The following PHF24 variants were observed in gnomAD, a reference collection of about 807,000 sequenced individuals.
PHF24 encodes Galpha inhibitory interacting protein.
In PHF24, 25 loss-of-function variants were observed where a neutral mutation model predicts 42.6. That is an observed-to-expected ratio of 0.59 (90% CI 0.43 to 0.82). The LOEUF is 0.82. Among genes scored for constraint, PHF24 ranks in the 40% least tolerant of loss-of-function variants. The pLI is 0.00. For synonymous variants in PHF24, 185 were observed against 204.8 expected (o/e 0.90, Z 0.83); for missense variants, 470 against 538.1 (o/e 0.87, Z 1.25).
At chr9:34,977,089 C>T (rs753209872) in exon 6 of PHF24, 2 of 1,596,908 alleles carry the variant, frequency 1.3e-6, no homozygotes, top group Non-Finnish European at 1.7e-6. Context: ...CCAGAACTCT[C>T]TGTTGAGGCT....
the PHF24 span, chr9:34,723,724 C>T: frequency 3.2e-5 from 49 of 1,551,702 alleles, no homozygotes; most frequent in Non-Finnish European, 4.0e-5. Flanking sequence ...TTGGTTGGCT[C>T]AGGAAAGGCT....
At chr9:34,834,721 T>C in the PHF24 span, 2 of 1,542,232 alleles carry the variant, frequency 1.3e-6, no homozygotes, top group South Asian at 2.4e-5. Context: ...GTTGCCTCTG[T>C]AGCAGGTGCC....
At chr9:34,921,489 C>T in the PHF24 span, among the ~76,000 whole-genome samples, 1 of 152,138 alleles carries the variant, frequency 6.6e-6, no homozygotes, top group East Asian at 1.9e-4. Flanking sequence ...TTTACTTTTA[C>T]ATTTGTTCTT....
At chr9:34,913,198 A>T in the PHF24 span, among the ~76,000 whole-genome samples, 4 of 152,200 alleles carry the variant, frequency 2.6e-5, no homozygotes, top group Non-Finnish European at 5.9e-5. Flanking sequence ...GACTTTGGGG[A>T]CAATATCAAA....
chr9:34,750,491 AAAATAAAT>A, the PHF24 span, among the ~76,000 whole-genome samples: 38,857 of 141,944 alleles, frequency 0.27, 5,704 homozygotes, highest in African/African-American at 0.3. Context: ...CTCTATCTCA[AAAATAAAT>A]AAATAAATAA....
At chr9:34,859,189 A>G in the PHF24 span, among the ~76,000 whole-genome samples, 1 of 152,062 alleles carries the variant, frequency 6.6e-6, no homozygotes, top group African/African-American at 2.4e-5. Context: ...TTTTCTCATA[A>G]TCTCTTGCCC....
chr9:34,848,413 G>A, the PHF24 span, among the ~76,000 whole-genome samples: 1 of 151,636 alleles, frequency 6.6e-6, no homozygotes, highest in Non-Finnish European at 1.5e-5. Flanking sequence ...GTTCTCTGAT[G>A]GTAGTTTGTA....
the PHF24 span, among the ~76,000 whole-genome samples, chr9:34,677,088 C>T: frequency 2.6e-5 from 4 of 152,220 alleles, no homozygotes; most frequent in African/African-American, 9.6e-5. Flanking sequence ...CCTAGCTTGT[C>T]TTCGTCTTCT....
chr9:34,976,872 T>C, intron 5 of PHF24, 132 bp downstream of exon 5: 1 of 913,670 alleles, frequency 1.1e-6, no homozygotes, highest in South Asian at 1.7e-5. Flanking sequence ...TCAGGTTCCA[T>C]CCAGTGACAG....
At chr9:34,775,168 A>G in the PHF24 span, among the ~76,000 whole-genome samples, 3 of 152,232 alleles carry the variant, frequency 2.0e-5, no homozygotes, top group African/African-American at 7.2e-5. Context: ...TCTTCAGCAG[A>G]TGAAGAGATA....
chr9:34,675,506 C>G, the PHF24 span, among the ~76,000 whole-genome samples: 566 of 152,310 alleles, frequency 3.7e-3, 2 homozygotes, highest in Admixed American at 6.8e-3. Context: ...GGGTCTCAGT[C>G]CAGCTGGAGG....
the PHF24 span, chr9:34,691,193 G>A: frequency 6.4e-7 from 1 of 1,552,752 alleles, no homozygotes; most frequent in East Asian, 2.3e-5. Context: ...AGCTGTCTGG[G>A]TGTGTGCAGG....
the PHF24 span, chr9:34,666,108 G>A: frequency 1.4e-5 from 3 of 208,006 alleles, no homozygotes; most frequent in Non-Finnish European, 3.0e-5. Context: ...CCCCCGGAAG[G>A]GGTGGGGTGT....
the PHF24 span, among the ~76,000 whole-genome samples, chr9:34,898,419 G>A: frequency 2.0e-5 from 3 of 152,058 alleles, no homozygotes; most frequent in Non-Finnish European, 4.4e-5. Flanking sequence ...ATCAGTGAAC[G>A]TTTTTCTTAA....
the PHF24 span, among the ~76,000 whole-genome samples, chr9:34,810,956 A>T: frequency 1.3e-5 from 2 of 152,104 alleles, no homozygotes; most frequent in African/African-American, 4.8e-5. Context: ...AGGAAGCAGT[A>T]AGATCAAGTG....
the PHF24 span, among the ~76,000 whole-genome samples, chr9:34,728,387 A>G: frequency 6.6e-6 from 1 of 152,224 alleles, no homozygotes; most frequent in African/African-American, 2.4e-5. Flanking sequence ...ACAATTAAGA[A>G]CATCTGCTCT....
chr9:34,766,253 G>T, the PHF24 span, among the ~76,000 whole-genome samples: 1 of 152,196 alleles, frequency 6.6e-6, no homozygotes, highest in Non-Finnish European at 1.5e-5. Context: ...GGCCTGCCTT[G>T]CTAGATTGGA....
the PHF24 span, among the ~76,000 whole-genome samples, chr9:34,898,721 T>C: frequency 3.3e-5 from 5 of 152,280 alleles, no homozygotes; most frequent in Admixed American, 2.6e-4. Context: ...TAACCAGCTG[T>C]TGCCACCCTC....
the PHF24 span, among the ~76,000 whole-genome samples, chr9:34,786,540 A>G: frequency 6.6e-6 from 1 of 152,204 alleles, no homozygotes; most frequent in Non-Finnish European, 1.5e-5. Context: ...ATTTCATACT[A>G]AATTGGTCTA....
Sources: gnomAD v4.1 joint callset for allele counts (sites outside exome capture counted in the v4.1 genomes callset) on GRCh38, gnomAD v4.1.1 for gene constraint, MANE v1.5 for transcripts, NCBI Gene and HGNC (gene_info 2026-07-23, HGNC 2026-07-21) for gene names.